The following RHOD variants were observed in gnomAD, a reference collection of about 807,000 sequenced individuals.
The protein encoded by RHOD is ras homolog family member D, also known as rho-related GTP-binding protein RhoD.
Under a neutral mutation model 16.7 loss-of-function variants are expected in RHOD, and 11 were observed. The observed-to-expected ratio is 0.66, with a 90% confidence interval of 0.41 to 1.09. RHOD has a LOEUF of 1.09. Ranked by LOEUF, RHOD falls within the 50% of genes least tolerant of loss-of-function variation. The pLI is 0.00. For synonymous variants in RHOD, 124 were observed against 126.3 expected (o/e 0.98, Z 0.12); for missense variants, 271 against 291.7 (o/e 0.93, Z 0.52).
chr11:67,063,508 T>TAA (rs58807370), intron 1 of RHOD, among the ~76,000 whole-genome samples: 25 of 131,608 alleles, frequency 1.9e-4, no homozygotes, highest in African/African-American at 7.1e-4. Flanking sequence ...TTTTTTTTTT[T>TAA]AAAAAAAGGC....
At chr11:67,060,186 A>C (rs1290069209) in intron 1 of RHOD, among the ~76,000 whole-genome samples, 1 of 152,144 alleles carries the variant, frequency 6.6e-6, no homozygotes, top group African/African-American at 2.4e-5. Flanking sequence ...CCTGGTTCGC[A>C]CTTGGACTCC....
Position 67,071,892 on chromosome 11 carries a change from C to T in RHOD, c.*290C>T, listed in dbSNP as rs1295063093. On this transcript the variant is annotated 3_prime_UTR_variant, in exon 5 of 5. Coordinates refer to ENST00000308831, the MANE Select transcript of RHOD (RefSeq NM_014578.4). Reference sequence around the variant, plus strand: ...CCGCCTGTGCAGCCTGATGCCCCCTCGTGGCTGCTCCCAGGGCTGCACCTG... The same window carrying T: ...CCGCCTGTGCAGCCTGATGCCCCCTTGTGGCTGCTCCCAGGGCTGCACCTG... The T allele has an allele frequency of 5.3e-6, 2 of 380,606 alleles. No homozygotes were observed. The highest frequency in any genetic ancestry group is 9.3e-6 in the Non-Finnish European group (2 of 214,010). 23.6% of individuals were successfully genotyped at this position (380,606 alleles called of 1,614,324 possible).
intron 4 of RHOD, among the ~76,000 whole-genome samples, chr11:67,070,972 G>T (rs940957285): frequency 6.6e-6 from 1 of 152,014 alleles, no homozygotes; most frequent in African/African-American, 2.4e-5. Context: ...AGGGGCTCAC[G>T]CCTGTAATCC....
At position 67,071,622 on chromosome 11, in the gene RHOD, CG is replaced by C. The variant is rs747619085; in HGVS notation, c.*21del. ...ACCTGAGCGGCTCGGGGCGTCCCAGCGACGCGGGAAGGGGCAGGGCGCTGAC... is the reference window on the plus strand; with the variant it reads ...ACCTGAGCGGCTCGGGGCGTCCCAGCACGCGGGAAGGGGCAGGGCGCTGAC... On this transcript the variant is annotated 3_prime_UTR_variant, in exon 5 of 5. Transcript: ENST00000308831. 40 of 1,571,620 alleles carry C rather than the reference CG, an allele frequency of 2.5e-5. 1 individual carries two copies. The highest frequency in any genetic ancestry group is 3.3e-5 in the Non-Finnish European group (38 of 1,157,738).
chr11:67,063,506 T>A (rs78542266), intron 1 of RHOD, among the ~76,000 whole-genome samples: 51 of 105,690 alleles, frequency 4.8e-4, no homozygotes, highest in African/African-American at 3.0e-3. Context: ...TTTTTTTTTT[T>A]TTAAAAAAAG....
At chr11:67,059,266 G>A (rs961626570) in intron 1 of RHOD, among the ~76,000 whole-genome samples, 10 of 152,176 alleles carry the variant, frequency 6.6e-5, no homozygotes, top group African/African-American at 2.4e-4. Flanking sequence ...TGGGCCGGGC[G>A]TAATGGCCCA....
intron 3 of RHOD, among the ~76,000 whole-genome samples, chr11:67,067,522 C>G (rs1176215143): frequency 3.3e-5 from 5 of 152,236 alleles, no homozygotes; most frequent in Non-Finnish European, 5.9e-5. Context: ...GATCCAGTCA[C>G]TCGTCCAAAG....
At chr11:67,068,250 C>A (rs1351729493) in intron 3 of RHOD, among the ~76,000 whole-genome samples, 1 of 152,168 alleles carries the variant, frequency 6.6e-6, no homozygotes, top group Non-Finnish European at 1.5e-5. Flanking sequence ...AGCAGGCAGT[C>A]CAGCTGGGCA....
chr11:67,072,016 TATC>T (rs1396676088), exon 5 of RHOD: 1 of 175,412 alleles, frequency 5.7e-6, no homozygotes, highest in African/African-American at 2.4e-5. Flanking sequence ...CGACATCACT[TATC>T]ATTGTGTCGT....
chr11:67,071,611 G>A lies in RHOD; in HGVS notation c.*9G>A, dbSNP rs745396430. ...TTTGCGTGGTGACCTGAGCGGCTCGGGGCGTCCCAGCGACGCGGGAAGGGG... is the reference window on the plus strand; with the variant it reads ...TTTGCGTGGTGACCTGAGCGGCTCGAGGCGTCCCAGCGACGCGGGAAGGGG... On this transcript the variant is annotated 3_prime_UTR_variant, in exon 5 of 5. Transcript: ENST00000308831. The A allele has an allele frequency of 1.6e-5, 26 of 1,583,598 alleles. No individual in the cohort carries two copies. Among genetic ancestry groups the A allele is most frequent in the Non-Finnish European group, 2.1e-5 (25 of 1,163,424 alleles).
chr11:67,057,935 C>T (rs1000904414), intron 1 of RHOD, among the ~76,000 whole-genome samples: 2 of 152,380 alleles, frequency 1.3e-5, no homozygotes, highest in South Asian at 2.1e-4. Context: ...CCTGCTCTGC[C>T]GCCTCTCAGC....
Position 67,063,315 on chromosome 11 carries a change from A to G in RHOD, c.133-2581A>G, listed in dbSNP as rs191867367. On this transcript the variant is annotated intron_variant, in intron 1 of 4. Transcript: ENST00000308831. ...AGACCAGCCTGGGCAACATGGCAAA[A>G]CCCTGTCTCTACGAAAAAAGAAGAA... Among the ~76,000 whole-genome samples the G allele has an allele frequency of 2.3e-3, 344 of 151,694 alleles. 1 individual carries two copies. The highest frequency in any genetic ancestry group is 4.7e-3 in the Admixed American group (71 of 15,216).
chr11:67,071,607 C>A lies in RHOD; in HGVS notation c.*5C>A. On this transcript the variant is annotated 3_prime_UTR_variant, in exon 5 of 5. Transcript: ENST00000308831. ...GGCTTTTGCGTGGTGACCTGAGCGG[C>A]TCGGGGCGTCCCAGCGACGCGGGAA... 6.3e-7 allele frequency: 1 copy of A among 1,587,282 alleles called. No individual in the cohort carries two copies. Among genetic ancestry groups the A allele is most frequent in the Non-Finnish European group, 8.6e-7 (1 of 1,165,016 alleles).
In RHOD at chr11:67,065,974, G is replaced by A. The variant is rs1162316983; in HGVS notation, c.211G>A (p.Asp71Asn). 9.8e-7 allele frequency: 1 copy of A among 1,018,230 alleles called. No homozygotes were observed. Among genetic ancestry groups the A allele is most frequent in the Non-Finnish European group, 1.4e-6 (1 of 699,938 alleles). The allele number at this position is 1,018,230 out of a possible 1,614,324, so 63.1% of individuals were successfully genotyped here. A position where few individuals can be genotyped will look rare whatever the true frequency, so the allele number is the denominator to read the frequency against. The change falls in exon 2 of 5, where the codon GAC becomes AAC. Residue 71 changes from aspartate to asparagine, a missense_variant. By Grantham distance (23) the Asp-to-Asn change is conservative (BLOSUM62 1). Coordinates refer to ENST00000308831, the MANE Select transcript of RHOD (RefSeq NM_014578.4). ...KGKPVHLHIW[D>N]TAGQDDYDRL... ...CAAACCTGTGCACCTCCACATCTGG[G>A]ACACAGCAGGTGGGTGTGCAGGGGT...
In RHOD at chr11:67,056,946, T is replaced by A. The variant is rs1441933909; in HGVS notation, c.44T>A (p.Val15Glu). ...GCGGGTGAGGAGGCGCCACCAGGCG[T>A]GCGGTCCGTCAAGGTGGTCCTGGTG... ...QAAGEEAPPGVRSVKVVLVGD... is the reference protein window; with the variant it reads ...QAAGEEAPPGERSVKVVLVGD... The change falls in exon 1 of 5, where the codon GTG (valine) becomes GAG (glutamate). Residue 15 changes from valine (V) to glutamate (E), a missense_variant. Physicochemically the swap from Val to Glu is moderately radical, Grantham distance 121 (BLOSUM62 -2). Transcript: ENST00000308831. The A allele has an allele frequency of 6.7e-7, 1 of 1,489,180 alleles. No individual in the cohort carries two copies. Among genetic ancestry groups the A allele is most frequent in the Non-Finnish European group, 8.9e-7 (1 of 1,128,222 alleles). The allele number at this position is 1,489,180 out of a possible 1,614,324, so 92.2% of individuals were successfully genotyped here.
chr11:67,061,724 G>C (rs1336136237), intron 1 of RHOD, among the ~76,000 whole-genome samples: 1 of 134,578 alleles, frequency 7.4e-6, no homozygotes, highest in Non-Finnish European at 1.5e-5. Context: ...GGAGGCGACA[G>C]AGCGAGACCC....
intron 3 of RHOD, among the ~76,000 whole-genome samples, chr11:67,067,922 C>A (rs1854978990): frequency 6.6e-6 from 1 of 152,184 alleles, no homozygotes; most frequent in Non-Finnish European, 1.5e-5. Context: ...GCCTCAGCCT[C>A]CTGAGTAGCT....
chr11:67,061,278 T>C (rs1260408036), intron 1 of RHOD, among the ~76,000 whole-genome samples: 1 of 152,122 alleles, frequency 6.6e-6, no homozygotes, highest in Non-Finnish European at 1.5e-5. Flanking sequence ...GGTGTGCAGA[T>C]CACTTGAGGT....
At chr11:67,067,130 C>T (rs116611255) in intron 3 of RHOD, among the ~76,000 whole-genome samples, 258 of 152,328 alleles carry the variant, frequency 1.7e-3, no homozygotes, top group African/African-American at 5.7e-3. Context: ...GCTCTTCCCA[C>T]GGCGGCTCTG....
Sources: allele counts gnomAD v4.1 joint callset (sites outside exome capture counted in the v4.1 genomes callset), GRCh38; gene constraint gnomAD v4.1.1; transcripts MANE v1.5; gene names NCBI Gene and HGNC (gene_info 2026-07-23, HGNC 2026-07-21).